The following CLCC1 variants were observed in gnomAD, a reference collection of about 807,000 sequenced individuals.
CLCC1 encodes chloride channel CLIC like 1.
In CLCC1, 39 loss-of-function variants were observed where a neutral mutation model predicts 63.3. That is an observed-to-expected ratio of 0.62 (90% CI 0.48 to 0.81). CLCC1 has a LOEUF of 0.81. CLCC1 is among the 30% of genes least tolerant of loss of function. CLCC1 has a pLI of 0.00. For missense variants in CLCC1, 549 were observed against 669.4 expected, an observed-to-expected ratio of 0.82 and a Z score of 1.98; for synonymous variants, 217 against 239.8, an observed-to-expected ratio of 0.90 and a Z score of 0.88.
chr1:108,960,983 GTGCCAGCCAGGCAGT>G (rs779326097), intron 2 of CLCC1, among the ~76,000 whole-genome samples: 1 of 152,118 alleles, frequency 6.6e-6, no homozygotes, highest in East Asian at 1.9e-4. Context: ...GTGAGCCACT[GTGCCAGCCAGGCAGT>G]TGAGTTTTGA....
rs977588022 is a variant in CLCC1, at chr1:108,934,628, G to T, written c.*42C>A. 6.3e-7 allele frequency: 1 copy of T among 1,591,782 alleles called. No individual in the cohort carries two copies. On this transcript the variant is annotated 3_prime_UTR_variant, in exon 12 of 13. Coordinates refer to ENST00000369969, the MANE Select transcript of CLCC1 (RefSeq NM_001377458.1). ...GAGAGTGAAGAGTATACTTTACAAAGCTCGAAGGAGACTTGAGGCTGTCGT... is the reference window on the plus strand; with the variant it reads ...GAGAGTGAAGAGTATACTTTACAAATCTCGAAGGAGACTTGAGGCTGTCGT...
At chr1:108,958,982 T>C (rs1015829793) in intron 2 of CLCC1, among the ~76,000 whole-genome samples, 1 of 151,146 alleles carries the variant, frequency 6.6e-6, no homozygotes, top group Non-Finnish European at 1.5e-5. Flanking sequence ...GAGATCAGCC[T>C]GACCAACATG....
At chr1:108,952,940 CTCT>C (rs1005384825) in intron 2 of CLCC1, among the ~76,000 whole-genome samples, 4 of 152,148 alleles carry the variant, frequency 2.6e-5, no homozygotes, top group Non-Finnish European at 4.4e-5. Flanking sequence ...TTAGTAACTC[CTCT>C]ATGTAGCTAT....
intron 2 of CLCC1, among the ~76,000 whole-genome samples, chr1:108,960,245 C>T (rs116643345): frequency 0.011 from 1,750 of 152,218 alleles, 10 homozygotes; most frequent in Non-Finnish European, 0.018. Context: ...AAGAGTTCAA[C>T]TAAGGAAGAA....
At chr1:108,963,044 A>C (rs1008398603) in intron 1 of CLCC1, among the ~76,000 whole-genome samples, 1 of 152,232 alleles carries the variant, frequency 6.6e-6, no homozygotes, top group African/African-American at 2.4e-5. Context: ...AGATAACCAA[A>C]GCCAACAGAA....
At chr1:108,939,213 TATAA>T (rs1041248357) in intron 10 of CLCC1, among the ~76,000 whole-genome samples, 3 of 145,842 alleles carry the variant, frequency 2.1e-5, no homozygotes, top group African/African-American at 7.5e-5. Flanking sequence ...ATATATAATA[TATAA>T]ATATATATTA....
At chr1:108,961,896 C>T (rs1025435529) in intron 2 of CLCC1, among the ~76,000 whole-genome samples, 5 of 152,132 alleles carry the variant, frequency 3.3e-5, no homozygotes, top group Non-Finnish European at 7.4e-5. Context: ...TTACTATGTG[C>T]TAAGCACTGT....
In CLCC1 at chr1:108,934,953, C is replaced by T. The variant is rs183897074; in HGVS notation, c.1384-11G>A. ...AACAGGTGATTTATGCTATAAAGTA[C>T]AAAATTACATTTTAACTGTTTAATG... On this transcript the variant is annotated splice_polypyrimidine_tract_variant and intron_variant, in intron 11 of 12. Transcript: ENST00000369969. 1.3e-6 allele frequency: 2 copies of T among 1,585,522 alleles called. No homozygotes were observed. Among genetic ancestry groups the T allele is most frequent in the African/African-American group, 2.7e-5 (2 of 73,814 alleles).
rs1651980128 is a variant in CLCC1, at chr1:108,931,575, G to C, written c.*972C>G. On this transcript the variant is annotated 3_prime_UTR_variant, in exon 13 of 13. Coordinates refer to ENST00000369969, the MANE Select transcript of CLCC1 (RefSeq NM_001377458.1). Reference sequence around the variant, plus strand: ...GGCAAATAGAACTATTTCTCTAATGGCCAATGTTTTTTAAGAGTCATAACC... The same window carrying C: ...GGCAAATAGAACTATTTCTCTAATGCCCAATGTTTTTTAAGAGTCATAACC... 4.2e-6 allele frequency: 6 copies of C among 1,435,112 alleles called. No individual in the cohort carries two copies. The highest frequency in any genetic ancestry group is 2.9e-5 in the South Asian group (2 of 67,938). 88.9% of individuals were successfully genotyped at this position (1,435,112 alleles called of 1,614,324 possible). A position where few individuals can be genotyped will look rare whatever the true frequency, so the allele number is the denominator to read the frequency against.
chr1:108,939,922 T>C, intron 9 of CLCC1, 123 bp downstream of exon 9: 2 of 1,265,876 alleles, frequency 1.6e-6, no homozygotes, highest in Non-Finnish European at 2.2e-6. Context: ...TGAAAATCAC[T>C]GTGCAAAAGT....
At chr1:108,960,380 G>A (rs1007541933) in intron 2 of CLCC1, among the ~76,000 whole-genome samples, 9 of 152,172 alleles carry the variant, frequency 5.9e-5, no homozygotes, top group East Asian at 1.9e-4. Flanking sequence ...GGTATCAAGC[G>A]TATTCAATAC....
intron 5 of CLCC1, 68 bp downstream of exon 5, chr1:108,947,540 TTCA>T: frequency 2.2e-6 from 2 of 900,580 alleles, no homozygotes; most frequent in Non-Finnish European, 1.7e-6. Flanking sequence ...CTTTCACTTC[TTCA>T]TATTATTTGA....
Position 108,963,256 on chromosome 1 carries a change from CG to C in CLCC1, c.-173+104del. The C allele has an allele frequency of 8.0e-6, 5 of 624,532 alleles. No homozygotes were observed. In the South Asian group the frequency reaches 8.6e-5, roughly 11 times the overall value. The allele number at this position is 624,532 out of a possible 1,614,324, so 38.7% of individuals were successfully genotyped here. A position where few individuals can be genotyped will look rare whatever the true frequency, so the allele number is the denominator to read the frequency against. ...CGGTCCCCGCCCCGGGTCGCGCCTG[CG>C]GCCTCCCCAGCGTCTGCGCCGCGAG... On this transcript the variant is annotated intron_variant, in intron 1 of 12. Coordinates refer to ENST00000369969, the MANE Select transcript of CLCC1 (RefSeq NM_001377458.1).
At chr1:108,941,361 C>T in intron 8 of CLCC1, 44 bp downstream of exon 8, 1 of 1,512,250 alleles carries the variant, frequency 6.6e-7, no homozygotes, top group South Asian at 1.2e-5. Flanking sequence ...CTTTCATTCT[C>T]AGAATTTCTA....
chr1:108,937,105 G>A lies in CLCC1; in HGVS notation c.1355C>T (p.Ala452Val). 1.3e-6 allele frequency: 2 copies of A among 1,517,126 alleles called. No homozygotes were observed. Among genetic ancestry groups the A allele is most frequent in the Admixed American group, 2.2e-5 (1 of 44,540 alleles). The allele number at this position is 1,517,126 out of a possible 1,614,324, so 94.0% of individuals were successfully genotyped here. A position where few individuals can be genotyped will look rare whatever the true frequency, so the allele number is the denominator to read the frequency against. ...LRAFDVPDAE[A>V]REHPTVVPSH... The stretch of plus-strand genomic sequence containing the variant: ...GGGTACCACCGTGGGATGCTCTCGT[G>A]CCTCTGCGTCTGGTACATCAAATGC... The change falls in exon 11 of 13, where the codon GCA becomes GTA. Residue 452 changes from alanine to valine, a missense_variant. Coordinates refer to ENST00000369969, the MANE Select transcript of CLCC1 (RefSeq NM_001377458.1).
intron 10 of CLCC1, among the ~76,000 whole-genome samples, chr1:108,938,632 C>T (rs746237839): frequency 6.6e-6 from 1 of 152,118 alleles, no homozygotes; most frequent in East Asian, 1.9e-4. Context: ...GGAGGGATGA[C>T]GAGTAATATT....
intron 7 of CLCC1, among the ~76,000 whole-genome samples, chr1:108,941,724 G>T (rs1355087782): frequency 6.6e-6 from 1 of 152,062 alleles, no homozygotes; most frequent in Admixed American, 6.5e-5. Flanking sequence ...CACAATCTCG[G>T]CTCACTGCAA....
At chr1:108,934,976 A>G in intron 11 of CLCC1, 34 bp from the exon 12 acceptor site, 1 of 1,553,724 alleles carries the variant, frequency 6.4e-7, no homozygotes, top group East Asian at 2.3e-5. Flanking sequence ...TAACTGTTTA[A>G]TGTAATGTGA....
intron 2 of CLCC1, among the ~76,000 whole-genome samples, chr1:108,952,297 G>C (rs1205219776): frequency 6.6e-6 from 1 of 152,086 alleles, no homozygotes; most frequent in Non-Finnish European, 1.5e-5. Context: ...TCCTCCCTCA[G>C]CCTCCCAAGT....
Sources: allele counts gnomAD v4.1 joint callset (sites outside exome capture counted in the v4.1 genomes callset), GRCh38; gene constraint gnomAD v4.1.1; transcripts MANE v1.5; gene names NCBI Gene and HGNC (gene_info 2026-07-23, HGNC 2026-07-21).